Variants in EPHA4 observed in about 807,000 individuals in gnomAD.
The protein encoded by EPHA4 is ephrin type-A receptor 4.
A neutral mutation model predicts 108.3 loss-of-function variants in EPHA4; 19 were observed. That is an observed-to-expected ratio of 0.18 (90% CI 0.12 to 0.26). The LOEUF (loss-of-function observed/expected upper bound fraction) is 0.26, where lower values mean the gene tolerates loss of function less well. Among genes scored for constraint, EPHA4 ranks in the 10% least tolerant of loss-of-function variants. EPHA4 has a pLI of 1.00. For synonymous variants in EPHA4, 449 were observed against 455.5 expected, an observed-to-expected ratio of 0.99 and a Z score of 0.18; for missense variants, 917 against 1,254.0, an observed-to-expected ratio of 0.73 and a Z score of 4.06.
chr2:221,444,582 T>C (rs1690529725), intron 9 of EPHA4, among the ~76,000 whole-genome samples: 1 of 152,064 alleles, frequency 6.6e-6, no homozygotes, highest in South Asian at 2.1e-4. Context: ...TAAAAAAACA[T>C]ATATTCCATG....
intron 4 of EPHA4, 143 bp downstream of exon 4, chr2:221,500,874 C>A: frequency 1.0e-6 from 1 of 990,128 alleles, no homozygotes; most frequent in East Asian, 2.7e-5. Context: ...CAAGCATTTC[C>A]CCTGCTATGA....
chr2:221,537,358 T>C (rs1693703519), intron 3 of EPHA4, among the ~76,000 whole-genome samples: 1 of 152,256 alleles, frequency 6.6e-6, no homozygotes. Context: ...AATCACTCAT[T>C]GTTCTTGAGT....
chr2:221,485,644 A>G (rs2106144246), intron 4 of EPHA4, among the ~76,000 whole-genome samples: 1 of 152,304 alleles, frequency 6.6e-6, no homozygotes, highest in East Asian at 1.9e-4. Context: ...ACAAATTAAA[A>G]TCATAATGTG....
intron 15 of EPHA4, 126 bp downstream of exon 15, chr2:221,429,832 C>A: frequency 1.1e-6 from 1 of 946,182 alleles, no homozygotes; most frequent in Non-Finnish European, 1.6e-6. Context: ...GAGAAAGAAG[C>A]CACCCAGGTT....
At chr2:221,522,763 TA>T (rs1559278104) in intron 3 of EPHA4, among the ~76,000 whole-genome samples, 102 of 76,128 alleles carry the variant, frequency 1.3e-3, no homozygotes, top group African/African-American at 5.9e-3. Flanking sequence ...TTATTATTAT[TA>T]TTATTATTAT....
Position 221,466,118 on chromosome 2 carries a change from A to G in EPHA4, c.1319-8128T>C, listed in dbSNP as rs1356649813. Among the ~76,000 whole-genome samples the G allele has an allele frequency of 6.6e-5, 10 of 152,284 alleles. No homozygotes were observed. The South Asian group carries it at 2.1e-3, about 32-fold the overall frequency. ...GGCCGCGTGGCTTCCCACGGACAAA[A>G]TCACGGCCACAATCACGGCCACTAG... On this transcript the variant is annotated intron_variant, in intron 5 of 17. Transcript: ENST00000281821.
intron 3 of EPHA4, among the ~76,000 whole-genome samples, chr2:221,562,587 T>C (rs941761841): frequency 1.3e-5 from 2 of 152,144 alleles, no homozygotes; most frequent in East Asian, 1.9e-4. Flanking sequence ...AGCTCAACAA[T>C]TACCCAGAGA....
chr2:221,505,939 G>A (rs1692617241), intron 3 of EPHA4, among the ~76,000 whole-genome samples: 1 of 152,114 alleles, frequency 6.6e-6, no homozygotes, highest in Non-Finnish European at 1.5e-5. Flanking sequence ...ACTAACAAAT[G>A]GACATTAATG....
chr2:221,546,196 C>A (rs1693993096), intron 3 of EPHA4, among the ~76,000 whole-genome samples: 1 of 152,132 alleles, frequency 6.6e-6, no homozygotes, highest in Admixed American at 6.5e-5. Context: ...GAGGGGGCAG[C>A]TGAAACCCCA....
chr2:221,487,881 T>C (rs933789019), intron 4 of EPHA4, among the ~76,000 whole-genome samples: 7 of 152,168 alleles, frequency 4.6e-5, no homozygotes, highest in Non-Finnish European at 8.8e-5. Flanking sequence ...TTTTCATATT[T>C]AGTATGCCCT....
At chr2:221,428,481 C>T (rs1338861510) in intron 15 of EPHA4, among the ~76,000 whole-genome samples, 1 of 152,128 alleles carries the variant, frequency 6.6e-6, no homozygotes, top group Non-Finnish European at 1.5e-5. Context: ...TACCTTGGGG[C>T]AAAGCAGATG....
At chr2:221,572,363 T>C, upstream of EPHA4, 2 of 897,170 alleles carry the variant, frequency 2.2e-6, no homozygotes, top group Non-Finnish European at 3.4e-6. Context: ...GCCGGTGACG[T>C]GAGCCCGCCA....
chr2:221,539,676 C>T (rs1285980030), intron 3 of EPHA4, among the ~76,000 whole-genome samples: 4 of 152,120 alleles, frequency 2.6e-5, no homozygotes, highest in Non-Finnish European at 4.4e-5. Flanking sequence ...GCCCCAGTAA[C>T]GCGGAGTAGT....
chr2:221,482,550 G>T lies in EPHA4; in HGVS notation c.1120C>A (p.Pro374Thr). The change falls in exon 5 of 18, where the codon CCC (proline) becomes ACC (threonine). Residue 374 changes from proline (P) to threonine (T), a missense_variant. Transcript: ENST00000281821. ...VVCKKCGAGD[P>T]SKCRPCGSGV... ...CTTCCACAGGGTCGGCACTTGCTGG[G>T]GTCACCAGCTCCACATTTCTTGCAT... 1 of 1,614,024 alleles carries T rather than the reference G, an allele frequency of 6.2e-7. No individual in the cohort carries two copies. The highest frequency in any genetic ancestry group is 8.5e-7 in the Non-Finnish European group (1 of 1,179,974).
chr2:221,430,120 A>G lies in EPHA4; in HGVS notation c.2528T>C (p.Leu843Ser). Residue 843 changes from leucine (L) to serine (S), a missense_variant, in exon 15 of 18, where the codon TTA becomes TCA. Transcript: ENST00000281821. The part of the protein sequence containing the change: ...VIKAIEEGYR[L>S]PPPMDCPIAL... ...AATGGGGCAGTCCATTGGAGGGGGT[A>G]ACCGATAGCCTTCCTCAATGGCTTT... 6.2e-7 allele frequency: 1 copy of G among 1,611,028 alleles called. No individual in the cohort carries two copies. Among genetic ancestry groups the G allele is most frequent in the Non-Finnish European group, 8.5e-7 (1 of 1,179,092 alleles).
intron 17 of EPHA4, among the ~76,000 whole-genome samples, chr2:221,424,915 C>G (rs1449048428): frequency 1.3e-5 from 2 of 152,158 alleles, no homozygotes; most frequent in Non-Finnish European, 2.9e-5. Flanking sequence ...AGGAGGAGCC[C>G]TTCGTGATGG....
At chr2:221,525,764 G>T (rs764816274) in intron 3 of EPHA4, among the ~76,000 whole-genome samples, 25 of 152,076 alleles carry the variant, frequency 1.6e-4, no homozygotes, top group Non-Finnish European at 3.4e-4. Context: ...TCCCTTACAG[G>T]GAAGAACTGA....
At position 221,456,724 on chromosome 2, in the gene EPHA4, T is replaced by C. The variant is rs1237246170; in HGVS notation, c.1492A>G (p.Thr498Ala). ...YRIVRTAARN[T>A]DIKGLNPLTS... is the part of the protein sequence containing the mutation. ...AGAGGGTTCAGGCCTTTGATATCTGTGTTCCTGGCAGCTGTCCGAACTATA... is the reference window on the plus strand; with the variant it reads ...AGAGGGTTCAGGCCTTTGATATCTGCGTTCCTGGCAGCTGTCCGAACTATA... Residue 498 changes from threonine (T) to alanine (A), a missense_variant, in exon 7 of 18, where the codon ACA (threonine) becomes GCA (alanine). By Grantham distance (58) the Thr-to-Ala change is moderately conservative. Around this residue, in one of 3 missense-constraint regions of EPHA4, gnomAD observed 758 missense variants for 1,076.7 expected, o/e 0.70. Coordinates refer to ENST00000281821, the MANE Select transcript of EPHA4 (RefSeq NM_004438.5). 2 of 1,614,014 alleles carry C rather than the reference T, an allele frequency of 1.2e-6. No individual in the cohort carries two copies. The highest frequency in any genetic ancestry group is 2.2e-5 in the South Asian group (2 of 91,070).
chr2:221,514,887 C>T (rs1218420528), intron 3 of EPHA4, among the ~76,000 whole-genome samples: 3 of 152,084 alleles, frequency 2.0e-5, no homozygotes, highest in African/African-American at 7.2e-5. Context: ...CCAGAACTGA[C>T]CCATTTAAAG....
Sources: gnomAD v4.1 joint callset for allele counts (sites outside exome capture counted in the v4.1 genomes callset) on GRCh38, gnomAD v4.1.1 for gene constraint, gnomAD v4.1.1 regional missense constraint, MANE v1.5 for transcripts, NCBI Gene and HGNC (gene_info 2026-07-23, HGNC 2026-07-21) for gene names.